Variants in CA10 observed in about 807,000 individuals in gnomAD.
CA10 encodes carbonic anhydrase-related protein 10.
Under a neutral mutation model 44.2 loss-of-function variants are expected in CA10, and 14 were observed. The observed-to-expected ratio is 0.32, with a 90% CI of 0.21 to 0.50. The LOEUF (loss-of-function observed/expected upper bound fraction) is 0.50. CA10 is among the 20% of genes least tolerant of loss of function. CA10 has a pLI of 0.99. For synonymous variants in CA10, 159 were observed against 141.6 expected (o/e 1.12, Z -0.87); for missense variants, 350 against 409.7 (o/e 0.85, Z 1.26).
chr17:51,797,348 G>A (rs1479827266), intron 3 of CA10, among the ~76,000 whole-genome samples: 4 of 152,168 alleles, frequency 2.6e-5, no homozygotes, highest in African/African-American at 4.8e-5. Flanking sequence ...GCGCATGCGC[G>A]CGCACGCACG....
chr17:51,833,268 A>G (rs188951723), intron 3 of CA10, among the ~76,000 whole-genome samples: 1 of 152,278 alleles, frequency 6.6e-6, no homozygotes, highest in African/African-American at 2.4e-5. Context: ...CAGGAATGTC[A>G]CCACCCTGGA....
At chr17:51,862,803 G>C (rs1410353085) in intron 3 of CA10, among the ~76,000 whole-genome samples, 1 of 151,764 alleles carries the variant, frequency 6.6e-6, no homozygotes, top group Admixed American at 6.6e-5. Flanking sequence ...GGGGACGGGG[G>C]AAGTTGGGGA....
chr17:51,733,356 C>T (rs779071458), intron 4 of CA10, among the ~76,000 whole-genome samples: 8 of 152,120 alleles, frequency 5.3e-5, no homozygotes, highest in Non-Finnish European at 8.8e-5. Context: ...TGTTCCGTCT[C>T]GTTTCCAGTT....
At chr17:51,704,946 G>A (rs1020263026) in intron 4 of CA10, among the ~76,000 whole-genome samples, 2 of 150,846 alleles carry the variant, frequency 1.3e-5, no homozygotes, top group African/African-American at 4.9e-5. Context: ...TCCAGCCTGG[G>A]TGACAGAGCG....
intron 2 of CA10, among the ~76,000 whole-genome samples, chr17:52,067,660 C>T (rs1987572391): frequency 6.6e-6 from 1 of 152,242 alleles, no homozygotes; most frequent in East Asian, 1.9e-4. Flanking sequence ...CCTGTGAAAG[C>T]AGCTGGGAGG....
At chr17:51,677,899 C>T (rs910618235) in intron 4 of CA10, among the ~76,000 whole-genome samples, 14 of 148,826 alleles carry the variant, frequency 9.4e-5, no homozygotes, top group East Asian at 2.0e-4. Context: ...CCCCCCCCAC[C>T]GGCTGCCAAT....
At chr17:51,824,003 C>G (rs780810786) in intron 3 of CA10, among the ~76,000 whole-genome samples, 3 of 152,160 alleles carry the variant, frequency 2.0e-5, no homozygotes. Context: ...CATAACTAGG[C>G]TACATGATAT....
intron 2 of CA10, among the ~76,000 whole-genome samples, chr17:52,039,476 G>T (rs555094418): frequency 1.3e-5 from 2 of 152,082 alleles, no homozygotes; most frequent in Non-Finnish European, 2.9e-5. Context: ...TCTATCCAAA[G>T]CCCAGACAGA....
intron 2 of CA10, among the ~76,000 whole-genome samples, chr17:52,045,987 G>A (rs1986901772): frequency 6.6e-6 from 1 of 151,782 alleles, no homozygotes; most frequent in South Asian, 2.1e-4. Flanking sequence ...AATAACTCAT[G>A]GGTCAAAAAT....
At chr17:52,068,209 T>C (rs1308467165) in intron 2 of CA10, among the ~76,000 whole-genome samples, 1 of 152,208 alleles carries the variant, frequency 6.6e-6, no homozygotes, top group Non-Finnish European at 1.5e-5. Context: ...TCTCCCATGC[T>C]GTTCTCATGA....
intron 1 of CA10, among the ~76,000 whole-genome samples, chr17:52,085,855 C>T (rs1988103826): frequency 1.3e-5 from 2 of 152,102 alleles, no homozygotes; most frequent in Admixed American, 6.5e-5. Flanking sequence ...TTTACTTTTA[C>T]TGGAATATCA....
At chr17:51,971,952 T>G (rs1984294731) in intron 2 of CA10, among the ~76,000 whole-genome samples, 1 of 152,082 alleles carries the variant, frequency 6.6e-6, no homozygotes, top group Non-Finnish European at 1.5e-5. Context: ...TTATTTAGTT[T>G]CTATTGATTT....
At chr17:51,787,118 A>G (rs561220539) in intron 3 of CA10, among the ~76,000 whole-genome samples, 2 of 152,316 alleles carry the variant, frequency 1.3e-5, no homozygotes, top group East Asian at 3.9e-4. Flanking sequence ...CATTAGGGAT[A>G]TCGGCCTGCA....
chr17:52,079,456 C>CA (rs35048985), intron 1 of CA10, among the ~76,000 whole-genome samples: 2,684 of 125,148 alleles, frequency 0.021, 30 homozygotes, highest in South Asian at 0.043. Flanking sequence ...GAGACTCCGT[C>CA]AAAAAAAAAA....
intron 1 of CA10, among the ~76,000 whole-genome samples, chr17:52,129,199 G>A (rs753734513): frequency 1.3e-5 from 2 of 152,072 alleles, no homozygotes; most frequent in Non-Finnish European, 2.9e-5. Flanking sequence ...ATTAACTTCT[G>A]ATATTCATCA....
intron 4 of CA10, among the ~76,000 whole-genome samples, chr17:51,671,976 T>C (rs1914445753): frequency 6.6e-6 from 1 of 152,218 alleles, no homozygotes; most frequent in East Asian, 1.9e-4. Flanking sequence ...GTTACAAATC[T>C]AACCCTAGCC....
intron 4 of CA10, among the ~76,000 whole-genome samples, chr17:51,673,497 T>A (rs1203896387): frequency 6.6e-6 from 1 of 152,198 alleles, no homozygotes; most frequent in East Asian, 1.9e-4. Context: ...GGGCGCCTAC[T>A]GAGACTCTTT....
chr17:51,945,509 T>C (rs1983240755), intron 2 of CA10, among the ~76,000 whole-genome samples: 1 of 152,146 alleles, frequency 6.6e-6, no homozygotes, highest in Non-Finnish European at 1.5e-5. Flanking sequence ...GCTGAGGCTC[T>C]TGCATTATGT....
At chr17:51,894,739 T>C (rs999208347) in intron 3 of CA10, among the ~76,000 whole-genome samples, 1 of 152,174 alleles carries the variant, frequency 6.6e-6, no homozygotes, top group African/African-American at 2.4e-5. Context: ...GTGTTGTTTG[T>C]AGTCACTAAG....
Sources: allele counts gnomAD v4.1 joint callset (sites outside exome capture counted in the v4.1 genomes callset), GRCh38; gene constraint gnomAD v4.1.1; transcripts MANE v1.5; gene names NCBI Gene and HGNC (gene_info 2026-07-23, HGNC 2026-07-21).